ATG4C: variants seen among roughly 807,000 people sequenced by gnomAD.
The protein encoded by ATG4C is cysteine protease ATG4C.
A neutral mutation model predicts 57.6 loss-of-function variants in ATG4C; 56 were observed. The observed-to-expected ratio is 0.97, with a 90% confidence interval of 0.78 to 1.21. ATG4C has a LOEUF of 1.21. Among genes scored for constraint, ATG4C ranks in the 50% most tolerant of loss-of-function variants. The pLI is 0.00. For synonymous variants in ATG4C, 157 were observed against 174.1 expected (o/e 0.90, Z 0.78); for missense variants, 595 against 529.8 (o/e 1.12, Z -1.21).
intron 10 of ATG4C, among the ~76,000 whole-genome samples, chr1:62,851,421 A>G (rs1306804280): frequency 2.0e-5 from 3 of 152,182 alleles, no homozygotes; most frequent in Non-Finnish European, 2.9e-5. Flanking sequence ...TCTTTTAGCT[A>G]TTTATTTAGA....
intron 7 of ATG4C, among the ~76,000 whole-genome samples, chr1:62,831,649 T>G (rs1458692251): frequency 1.3e-5 from 2 of 152,198 alleles, no homozygotes; most frequent in Non-Finnish European, 1.5e-5. Context: ...ACTGATTACT[T>G]CAGTCTTATT....
chr1:62,854,604 C>G (rs1321904243), intron 10 of ATG4C, among the ~76,000 whole-genome samples: 1 of 152,164 alleles, frequency 6.6e-6, no homozygotes, highest in South Asian at 2.1e-4. Flanking sequence ...TCTGGTTTTT[C>G]TTTATATGCT....
intron 10 of ATG4C, among the ~76,000 whole-genome samples, chr1:62,849,011 T>A (rs186227580): frequency 6.6e-6 from 1 of 152,344 alleles, no homozygotes; most frequent in Admixed American, 6.5e-5. Flanking sequence ...CATCATTAAT[T>A]TCAGGTTATA....
chr1:62,858,667 G>A (rs1394813930), intron 10 of ATG4C, among the ~76,000 whole-genome samples: 1 of 152,140 alleles, frequency 6.6e-6, no homozygotes, highest in African/African-American at 2.4e-5. Flanking sequence ...CAGAAATCAG[G>A]GAAATGGTAT....
chr1:62,819,585 C>G (rs971886480), intron 5 of ATG4C, among the ~76,000 whole-genome samples: 3 of 151,924 alleles, frequency 2.0e-5, no homozygotes, highest in African/African-American at 7.3e-5. Flanking sequence ...TCTTTCTAAC[C>G]AGGTTTTCAT....
intron 3 of ATG4C, among the ~76,000 whole-genome samples, chr1:62,810,013 A>G (rs1447620398): frequency 2.0e-5 from 3 of 146,926 alleles, no homozygotes; most frequent in South Asian, 2.2e-4. Context: ...GAGTACCTAG[A>G]AAAATAGAGA....
At chr1:62,788,123 GT>G (rs1664149700) in intron 1 of ATG4C, among the ~76,000 whole-genome samples, 1 of 152,076 alleles carries the variant, frequency 6.6e-6, no homozygotes, top group Non-Finnish European at 1.5e-5. Context: ...ATTACTTATT[GT>G]TTGTTAGGAT....
chr1:62,838,641 G>T (rs570826976), intron 9 of ATG4C, among the ~76,000 whole-genome samples: 5 of 152,036 alleles, frequency 3.3e-5, no homozygotes, highest in African/African-American at 1.2e-4. Flanking sequence ...TTAGCTGGGC[G>T]TGGTGGTGCG....
chr1:62,798,507 C>T (rs1432205272), intron 1 of ATG4C, among the ~76,000 whole-genome samples: 4 of 152,184 alleles, frequency 2.6e-5, no homozygotes, highest in African/African-American at 7.2e-5. Flanking sequence ...GGCAACTCTC[C>T]TCTTCAATCG....
chr1:62,796,207 G>GTT (rs60552573), intron 1 of ATG4C, among the ~76,000 whole-genome samples: 2,248 of 91,034 alleles, frequency 0.025, 98 homozygotes, highest in African/African-American at 0.089. Context: ...ATTTGTGTGG[G>GTT]TTTTTTTTTT....
chr1:62,792,241 C>T (rs889537370), intron 1 of ATG4C, among the ~76,000 whole-genome samples: 13 of 152,118 alleles, frequency 8.5e-5, no homozygotes, highest in East Asian at 1.9e-4. Context: ...GTGATCCACC[C>T]GCCTCGGCCT....
chr1:62,825,988 A>G (rs1301683335), intron 6 of ATG4C, among the ~76,000 whole-genome samples: 1 of 151,984 alleles, frequency 6.6e-6, no homozygotes, highest in African/African-American at 2.4e-5. Flanking sequence ...GCTCACTGCA[A>G]CCTCTGCCTC....
chr1:62,846,087 T>C (rs1666318892), intron 10 of ATG4C, among the ~76,000 whole-genome samples: 1 of 152,180 alleles, frequency 6.6e-6, no homozygotes, highest in African/African-American at 2.4e-5. Flanking sequence ...TGGTGATTCA[T>C]TTAGTCAGCA....
At position 62,849,669 on chromosome 1, in the gene ATG4C, G is replaced by A. The variant is rs986088906; in HGVS notation, c.1209+8122G>A. 7.2e-5 allele frequency among the ~76,000 whole-genome samples: 11 copies of A among 151,926 alleles called. No individual in the cohort carries two copies. The East Asian group carries it at 1.9e-3, about 27-fold the overall frequency. On this transcript the variant is annotated intron_variant, in intron 10 of 10. Coordinates refer to ENST00000317868, the MANE Select transcript of ATG4C (RefSeq NM_032852.4). ...TAGGATTACCGGTGCCTGCCACCACGCCCAGCTAAGTTTTGTGTTTTTAGT... is the reference window on the plus strand; with the variant it reads ...TAGGATTACCGGTGCCTGCCACCACACCCAGCTAAGTTTTGTGTTTTTAGT...
At chr1:62,821,722 C>G (rs1665488837) in intron 6 of ATG4C, among the ~76,000 whole-genome samples, 1 of 152,034 alleles carries the variant, frequency 6.6e-6, no homozygotes, top group Non-Finnish European at 1.5e-5. Flanking sequence ...TTTGAGACCA[C>G]AAGTGTTTCC....
intron 10 of ATG4C, among the ~76,000 whole-genome samples, chr1:62,844,156 T>TG (rs71045858): frequency 0.64 from 96,955 of 151,874 alleles, 31,288 homozygotes; most frequent in African/African-American, 0.74. Flanking sequence ...TTTCTGCTTC[T>TG]ACTGCCTGAA....
intron 1 of ATG4C, among the ~76,000 whole-genome samples, chr1:62,797,198 AT>A (rs1242310848): frequency 6.6e-6 from 1 of 152,208 alleles, no homozygotes; most frequent in Non-Finnish European, 1.5e-5. Context: ...GTATATACAT[AT>A]ATGATATTTA....
intron 7 of ATG4C, among the ~76,000 whole-genome samples, chr1:62,829,646 A>G (rs778314362): frequency 2.6e-5 from 4 of 152,042 alleles, no homozygotes; most frequent in Non-Finnish European, 5.9e-5. Flanking sequence ...AGATATGAAG[A>G]TAGTATTTGG....
chr1:62,784,994 G>C (rs1482423137), intron 1 of ATG4C, among the ~76,000 whole-genome samples: 2 of 152,196 alleles, frequency 1.3e-5, no homozygotes, highest in African/African-American at 2.4e-5. Context: ...TTTTCGTTTT[G>C]TATTGGTTAT....
Sources: gnomAD v4.1 joint callset for allele counts (sites outside exome capture counted in the v4.1 genomes callset) on GRCh38, gnomAD v4.1.1 for gene constraint, MANE v1.5 for transcripts, NCBI Gene and HGNC (gene_info 2026-07-23, HGNC 2026-07-21) for gene names.